Variants in IGF1R observed in about 807,000 individuals in gnomAD.
IGF1R encodes insulin like growth factor 1 receptor, also known as insulin-like growth factor 1 receptor.
A neutral mutation model predicts 144.6 loss-of-function variants in IGF1R; 44 were observed. That is an observed-to-expected ratio of 0.30 (90% CI 0.24 to 0.39). The LOEUF (loss-of-function observed/expected upper bound fraction) is 0.39, where lower values mean the gene tolerates loss of function less well. Ranked by LOEUF, IGF1R falls within the 10% of genes least tolerant of loss-of-function variation. The pLI is 1.00. For missense variants in IGF1R, 1,355 were observed against 1,833.7 expected (o/e 0.74, Z 4.77); for synonymous variants, 795 against 722.8 (o/e 1.10, Z -1.60).
intron 2 of IGF1R, among the ~76,000 whole-genome samples, chr15:98,731,026 TG>T (rs2054485755): frequency 6.6e-6 from 1 of 152,208 alleles, no homozygotes; most frequent in Non-Finnish European, 1.5e-5. Flanking sequence ...AGCAAGGCTG[TG>T]TTAGGAATGT....
chr15:98,677,849 G>C (rs1009573456), intron 1 of IGF1R, among the ~76,000 whole-genome samples: 1 of 152,322 alleles, frequency 6.6e-6, no homozygotes, highest in Admixed American at 6.5e-5. Flanking sequence ...ATGAATGTGG[G>C]TATGGCTAGT....
chr15:98,652,025 TAA>T (rs931134051), intron 1 of IGF1R, among the ~76,000 whole-genome samples: 8 of 152,166 alleles, frequency 5.3e-5, no homozygotes, highest in African/African-American at 1.9e-4. Flanking sequence ...GGTGGAGAAA[TAA>T]AGACAGGGTG....
chr15:98,666,288 G>A (rs2052735868), intron 1 of IGF1R, among the ~76,000 whole-genome samples: 1 of 150,658 alleles, frequency 6.6e-6, no homozygotes, highest in South Asian at 2.1e-4. Flanking sequence ...AAATGGCACA[G>A]CCTTTTTTTT....
chr15:98,872,676 ACAG>A (rs1429204425), intron 2 of IGF1R, among the ~76,000 whole-genome samples: 3 of 152,234 alleles, frequency 2.0e-5, no homozygotes, highest in African/African-American at 7.2e-5. Flanking sequence ...CCTCTGATAC[ACAG>A]CAGCCAATAA....
In IGF1R at chr15:98,891,479, G is replaced by A. The variant is rs565401892; in HGVS notation, c.795G>A (p.Pro265=). The change falls in exon 3 of 21, where the codon CCG becomes CCA. Residue 265 remains proline (P), a synonymous_variant. Transcript: ENST00000650285. The surrounding 1 kb of genome is among the most constrained non-coding windows in gnomAD (Gnocchi z 4.7). ...YYAGVCVPAC[P]PNTYRFEGWR... is the part of the protein sequence containing the mutation. ...CCGGTGTCTGTGTGCCTGCCTGCCCGCCCAACACCTACAGGTTTGAGGGCT... is the reference window on the plus strand; with the variant it reads ...CCGGTGTCTGTGTGCCTGCCTGCCCACCCAACACCTACAGGTTTGAGGGCT... The A allele has an allele frequency of 3.8e-5, 62 of 1,613,944 alleles. No individual in the cohort carries two copies. Among genetic ancestry groups the A allele is most frequent in the Admixed American group, 5.0e-5 (3 of 60,010 alleles).
In IGF1R at chr15:98,927,906, G is replaced by A. The variant is rs555229601; in HGVS notation, c.2783-1652G>A. Among the ~76,000 whole-genome samples the A allele has an allele frequency of 2.0e-3, 307 of 152,170 alleles. 1 individual carries two copies. Among genetic ancestry groups the A allele is most frequent in the Middle Eastern group, 3.4e-3 (1 of 294 alleles). Reference sequence around the variant, plus strand: ...TCCACATAGACATCTGTATTTGGACGTCCCAGAGAGGTCTCAGATTCCTTG... The same window carrying A: ...TCCACATAGACATCTGTATTTGGACATCCCAGAGAGGTCTCAGATTCCTTG... On this transcript the variant is annotated intron_variant, in intron 13 of 20. Transcript: ENST00000650285.
chr15:98,690,369 G>A (rs1596190814), intron 1 of IGF1R, among the ~76,000 whole-genome samples: 2 of 152,072 alleles, frequency 1.3e-5, no homozygotes, highest in South Asian at 2.1e-4. Context: ...CATGCTTATG[G>A]TAGGCAATTA....
chr15:98,729,147 T>C (rs559375031), intron 2 of IGF1R, among the ~76,000 whole-genome samples: 2 of 152,382 alleles, frequency 1.3e-5, no homozygotes, highest in South Asian at 2.1e-4. Context: ...GTCTGATTTA[T>C]ACATTTCCAA....
chr15:98,952,026 C>T (rs2016794458), intron 20 of IGF1R, among the ~76,000 whole-genome samples: 1 of 152,194 alleles, frequency 6.6e-6, no homozygotes, highest in Non-Finnish European at 1.5e-5. Flanking sequence ...TACATGAAAA[C>T]CATTCTTAGC....
chr15:98,870,906 A>T (rs767019096), intron 2 of IGF1R, among the ~76,000 whole-genome samples: 4 of 152,344 alleles, frequency 2.6e-5, no homozygotes, highest in Non-Finnish European at 5.9e-5. Context: ...TGGCACCAGG[A>T]TGACTTTTTG....
rs1241449111 is a variant in IGF1R at position 98,943,189 on chromosome 15, ACTT to A, written c.3587+142_3587+144del. The A allele has an allele frequency of 1.1e-5, 11 of 973,072 alleles. No homozygotes were observed. The African/African-American group carries it at 1.6e-4, about 14-fold the overall frequency. The allele number at this position is 973,072 out of a possible 1,614,324, so 60.3% of individuals were successfully genotyped here. A position where few individuals can be genotyped will look rare whatever the true frequency, so the allele number is the denominator to read the frequency against. ...TTTAGCTCAGTGTTGTGTGAGCCAC[ACTT>A]CTTCATCATTGAGGTGTTCCTGTTG... On this transcript the variant is annotated intron_variant, in intron 19 of 20. Transcript: ENST00000650285.
chr15:98,794,451 TAAG>T (rs2056194684), intron 2 of IGF1R, among the ~76,000 whole-genome samples: 1 of 152,118 alleles, frequency 6.6e-6, no homozygotes, highest in Non-Finnish European at 1.5e-5. Context: ...AGACCAGTGA[TAAG>T]AGGAGGAAAA....
chr15:98,927,566 G>T (rs890455030), intron 13 of IGF1R, among the ~76,000 whole-genome samples: 1 of 152,166 alleles, frequency 6.6e-6, no homozygotes, highest in African/African-American at 2.4e-5. Context: ...AGCCTGACCA[G>T]TAGTATAAGT....
intron 17 of IGF1R, among the ~76,000 whole-genome samples, chr15:98,937,809 G>A (rs1050742914): frequency 1.3e-5 from 2 of 152,060 alleles, no homozygotes; most frequent in African/African-American, 4.8e-5. Flanking sequence ...ACACATATAG[G>A]TCATACTGTA....
intron 2 of IGF1R, among the ~76,000 whole-genome samples, chr15:98,821,280 G>GCC (rs1213042017): frequency 2.3e-4 from 33 of 146,616 alleles, no homozygotes; most frequent in African/African-American, 7.3e-4. Flanking sequence ...TTTTAAACAC[G>GCC]CCTCCCCCCC....
Position 98,891,660 on chromosome 15 carries a change from G to T in IGF1R, c.953+23G>T. On this transcript the variant is annotated intron_variant, in intron 3 of 20. Transcript: ENST00000650285. The surrounding 1 kb of genome is among the most constrained non-coding windows in gnomAD (Gnocchi z 4.7). ...GAGGTCAGTCGCGGCCACACGTGTG[G>T]TCACTACCCGCCCCACCTCACCCGC... is the stretch of plus-strand genomic sequence containing the variant. The T allele has an allele frequency of 6.3e-7, 1 of 1,594,830 alleles. No homozygotes were observed. The highest frequency in any genetic ancestry group is 8.5e-7 in the Non-Finnish European group (1 of 1,176,824).
In IGF1R at chr15:98,649,525, C is replaced by CTTTTTTTTTTTTTTTTTTTTTTTTTT; in HGVS notation, c.-33_-32insTTTTTTTTTTTTTTTTTTTTTTTTTT. ...TCATTTCCTTTTTTTCTTTTCTTTT[C>CTTTTTTTTTTTTTTTTTTTTTTTTTT]TTTTTTTTTTTTTTTTTTTTTTTTG... On this transcript the variant is annotated 5_prime_UTR_variant, in exon 1 of 21. Transcript: ENST00000650285. The CTTTTTTTTTTTTTTTTTTTTTTTTTT allele has an allele frequency of 2.8e-6, 2 of 723,790 alleles. No individual in the cohort carries two copies. Among genetic ancestry groups the CTTTTTTTTTTTTTTTTTTTTTTTTTT allele is most frequent in the South Asian group, 3.6e-5 (2 of 56,094 alleles). The allele number at this position is 723,790 out of a possible 1,614,324, so 44.8% of individuals were successfully genotyped here. A position where few individuals can be genotyped will look rare whatever the true frequency, so the allele number is the denominator to read the frequency against.
intron 2 of IGF1R, among the ~76,000 whole-genome samples, chr15:98,863,277 A>T (rs114098584): frequency 7.6e-4 from 116 of 152,086 alleles, no homozygotes; most frequent in African/African-American, 2.6e-3. Flanking sequence ...GAGATGCGTG[A>T]TGTTTCCTTT....
At chr15:98,801,809 A>T (rs1217251694) in intron 2 of IGF1R, among the ~76,000 whole-genome samples, 1 of 152,192 alleles carries the variant, frequency 6.6e-6, no homozygotes, top group Admixed American at 6.5e-5. Flanking sequence ...GCAGCTTTTA[A>T]ACAGGATGAC....
Sources: allele counts gnomAD v4.1 joint callset (sites outside exome capture counted in the v4.1 genomes callset), GRCh38; gene constraint gnomAD v4.1.1; non-coding constraint Gnocchi (gnomAD v3.1); transcripts MANE v1.5; gene names NCBI Gene and HGNC (gene_info 2026-07-23, HGNC 2026-07-21).